The following CACNA2D3 variants were observed in gnomAD, a reference collection of about 807,000 sequenced individuals.
CACNA2D3 encodes the protein voltage-dependent calcium channel subunit alpha-2/delta-3.
Under a neutral mutation model 160.6 loss-of-function variants are expected in CACNA2D3, and 60 were observed. That is an observed-to-expected ratio of 0.37 (90% CI 0.30 to 0.46). The LOEUF is 0.46. Ranked by LOEUF, CACNA2D3 falls within the 20% of genes least tolerant of loss-of-function variation. The probability of loss-of-function intolerance (pLI) is 1.00; values close to 1 mark genes in which losing one functional copy is unlikely to be tolerated. For missense variants in CACNA2D3, 1,205 were observed against 1,365.0 expected (o/e 0.88, Z 1.85); for synonymous variants, 558 against 492.9 (o/e 1.13, Z -1.75).
intron 4 of CACNA2D3, among the ~76,000 whole-genome samples, chr3:54,414,686 A>G (rs372482651): frequency 2.7e-5 from 4 of 150,934 alleles, no homozygotes; most frequent in Non-Finnish European, 5.9e-5. Flanking sequence ...TTTTTTTTCT[A>G]TTGTGACTAT....
intron 9 of CACNA2D3, among the ~76,000 whole-genome samples, chr3:54,603,752 T>G (rs1206026363): frequency 6.6e-6 from 1 of 152,130 alleles, no homozygotes; most frequent in Non-Finnish European, 1.5e-5. Flanking sequence ...CACGAAACAA[T>G]CAAGAATATG....
intron 14 of CACNA2D3, among the ~76,000 whole-genome samples, chr3:54,822,824 TTTCTTTC>T (rs1172399869): frequency 1.5e-4 from 13 of 84,828 alleles, no homozygotes; most frequent in South Asian, 3.3e-4. Context: ...TCTTTCTTTC[TTTCTTTC>T]TTTTCTTTCT....
At chr3:54,433,670 C>T (rs9875018) in intron 4 of CACNA2D3, among the ~76,000 whole-genome samples, 3,745 of 152,240 alleles carry the variant, frequency 0.025, 67 homozygotes, top group South Asian at 0.055. Flanking sequence ...GACCTTTGCA[C>T]TTGAGGAAGA....
chr3:54,586,809 G>A (rs960522892), intron 9 of CACNA2D3, among the ~76,000 whole-genome samples: 1 of 152,070 alleles, frequency 6.6e-6, no homozygotes, highest in African/African-American at 2.4e-5. Flanking sequence ...CTTTAAAATT[G>A]TAGAATATAA....
chr3:54,754,876 AAGG>A (rs1701941988), intron 12 of CACNA2D3, among the ~76,000 whole-genome samples: 1 of 152,148 alleles, frequency 6.6e-6, no homozygotes, highest in African/African-American at 2.4e-5. Context: ...GAAATTAAAA[AAGG>A]GGGCATTTTG....
At chr3:54,588,395 C>G (rs567420487) in intron 9 of CACNA2D3, among the ~76,000 whole-genome samples, 1 of 152,278 alleles carries the variant, frequency 6.6e-6, no homozygotes, top group Non-Finnish European at 1.5e-5. Context: ...AGCTTTTCCT[C>G]TTAAGATCAG....
chr3:54,262,443 C>T (rs1194866251), intron 2 of CACNA2D3, among the ~76,000 whole-genome samples: 2 of 152,102 alleles, frequency 1.3e-5, no homozygotes, highest in Non-Finnish European at 2.9e-5. Context: ...GGCATTTATT[C>T]CTCTGCATCA....
At chr3:54,157,221 C>G (rs945191472) in intron 2 of CACNA2D3, among the ~76,000 whole-genome samples, 4 of 152,168 alleles carry the variant, frequency 2.6e-5, no homozygotes, top group Non-Finnish European at 5.9e-5. Flanking sequence ...TATAAAGACA[C>G]CAGTACCAGC....
At chr3:54,652,928 G>T in intron 11 of CACNA2D3, among the ~76,000 whole-genome samples, 1 of 151,962 alleles carries the variant, frequency 6.6e-6, no homozygotes, top group East Asian at 1.9e-4. Flanking sequence ...GATGATAGGC[G>T]CACACCACCA....
intron 11 of CACNA2D3, among the ~76,000 whole-genome samples, chr3:54,711,156 C>G (rs1700944954): frequency 1.3e-5 from 2 of 152,166 alleles, no homozygotes; most frequent in African/African-American, 4.8e-5. Flanking sequence ...AGCCAGCTTA[C>G]CTCTCTGAGC....
At chr3:55,001,649 CTT>C (rs1023414029) in intron 31 of CACNA2D3, among the ~76,000 whole-genome samples, 7 of 152,190 alleles carry the variant, frequency 4.6e-5, no homozygotes, top group African/African-American at 1.7e-4. Flanking sequence ...ATTGCCTTCT[CTT>C]GAGCCTTTGG....
At chr3:54,930,913 A>AT (rs960967719) in intron 27 of CACNA2D3, among the ~76,000 whole-genome samples, 6 of 152,196 alleles carry the variant, frequency 3.9e-5, no homozygotes, top group African/African-American at 1.2e-4. Context: ...CCTGGCCAAC[A>AT]AGGTGAAACC....
chr3:54,319,161 C>T (rs901061327), intron 2 of CACNA2D3, among the ~76,000 whole-genome samples: 1 of 61,074 alleles, frequency 1.6e-5, no homozygotes, highest in African/African-American at 4.5e-5. Flanking sequence ...TTTTGTGACA[C>T]ACACACACAC....
chr3:54,534,176 G>T (rs539557985), intron 5 of CACNA2D3, among the ~76,000 whole-genome samples: 1 of 152,260 alleles, frequency 6.6e-6, no homozygotes, highest in South Asian at 2.1e-4. Flanking sequence ...GTTCTTGCTT[G>T]CACCTCTGTT....
intron 2 of CACNA2D3, among the ~76,000 whole-genome samples, chr3:54,216,294 A>G (rs1222136019): frequency 2.0e-5 from 3 of 152,244 alleles, no homozygotes; most frequent in Non-Finnish European, 2.9e-5. Context: ...TTTTGGTATC[A>G]ATCTTCTTGC....
chr3:54,673,660 A>G (rs1575416861), intron 11 of CACNA2D3, among the ~76,000 whole-genome samples: 1 of 152,242 alleles, frequency 6.6e-6, no homozygotes, highest in African/African-American at 2.4e-5. Flanking sequence ...TGTTCTTTGA[A>G]ATAACTTTGA....
chr3:54,843,146 G>A (rs11712532), intron 16 of CACNA2D3, among the ~76,000 whole-genome samples: 3 of 152,028 alleles, frequency 2.0e-5, no homozygotes, highest in African/African-American at 4.8e-5. Flanking sequence ...ATTTTTAGTA[G>A]AGACAGGGTT....
At chr3:55,039,380 T>C (rs959126193) in intron 35 of CACNA2D3, among the ~76,000 whole-genome samples, 1 of 152,222 alleles carries the variant, frequency 6.6e-6, no homozygotes, top group Non-Finnish European at 1.5e-5. Flanking sequence ...AAATCTCTTT[T>C]TGACCTTTTA....
chr3:54,939,707 C>T (rs1056047151), intron 27 of CACNA2D3, among the ~76,000 whole-genome samples: 2 of 152,236 alleles, frequency 1.3e-5, no homozygotes, highest in Admixed American at 6.5e-5. Flanking sequence ...TCAGAAGCCG[C>T]CCCTGCAGGC....
Sources: allele counts gnomAD v4.1 joint callset (sites outside exome capture counted in the v4.1 genomes callset), GRCh38; gene constraint gnomAD v4.1.1; transcripts MANE v1.5; gene names NCBI Gene and HGNC (gene_info 2026-07-23, HGNC 2026-07-21).